CDKN2B-AS1: variants seen among roughly 807,000 people sequenced by gnomAD.
The protein encoded by CDKN2B-AS1 is CDKN2B antisense RNA 1 (non-protein coding).
intron 4 of CDKN2B-AS1, among the ~76,000 whole-genome samples, chr9:22,057,530 CA>C (rs1823622967): frequency 6.6e-6 from 1 of 152,138 alleles, no homozygotes; most frequent in African/African-American, 2.4e-5. Context: ...TAGTATTGGC[CA>C]GGTGTGGTGG....
intron 1 of CDKN2B-AS1, among the ~76,000 whole-genome samples, chr9:22,024,365 GCCTGCCTC>G (rs1192848175): frequency 6.6e-6 from 1 of 152,208 alleles, no homozygotes; most frequent in Non-Finnish European, 1.5e-5. Flanking sequence ...ATTCAGGGGT[GCCTGCCTC>G]CCTGCAGGCA....
chr9:22,015,559 A>G (rs1184106627), intron 1 of CDKN2B-AS1, among the ~76,000 whole-genome samples: 1 of 152,048 alleles, frequency 6.6e-6, no homozygotes, highest in African/African-American at 2.4e-5. Flanking sequence ...TTTGGGGAAG[A>G]CTGTCATCTA....
At chr9:22,023,329 C>G (rs1822088922) in intron 1 of CDKN2B-AS1, among the ~76,000 whole-genome samples, 1 of 151,874 alleles carries the variant, frequency 6.6e-6, no homozygotes, top group South Asian at 2.1e-4. Context: ...CATTTTTATT[C>G]TTTTTTCTCT....
At chr9:22,019,246 G>A (rs1347650436) in intron 1 of CDKN2B-AS1, among the ~76,000 whole-genome samples, 2 of 152,186 alleles carry the variant, frequency 1.3e-5, no homozygotes, top group Non-Finnish European at 2.9e-5. Flanking sequence ...AAAGACACAT[G>A]ATGTGATCAG....
chr9:22,022,188 G>A (rs1822045090), intron 1 of CDKN2B-AS1, among the ~76,000 whole-genome samples: 1 of 151,754 alleles, frequency 6.6e-6, no homozygotes, highest in Non-Finnish European at 1.5e-5. Context: ...ATCCAGTGTT[G>A]AGTTCAGGTC....
chr9:22,115,013 A>C (rs1296545312), intron 4 of CDKN2B-AS1, among the ~76,000 whole-genome samples: 2 of 152,116 alleles, frequency 1.3e-5, no homozygotes, highest in Admixed American at 1.3e-4. Context: ...TTTCCTTAGA[A>C]ATGTTATTGT....
chr9:22,018,637 C>T (rs920022094), intron 1 of CDKN2B-AS1, among the ~76,000 whole-genome samples: 5 of 152,232 alleles, frequency 3.3e-5, no homozygotes, highest in East Asian at 1.9e-4. Flanking sequence ...TGGGTGACAG[C>T]GCAAGACTTC....
At chr9:22,104,274 C>T (rs1471308362) in intron 4 of CDKN2B-AS1, among the ~76,000 whole-genome samples, 1 of 152,040 alleles carries the variant, frequency 6.6e-6, no homozygotes, top group African/African-American at 2.4e-5. Flanking sequence ...AGGTCAGGCA[C>T]CTAGATGGCA....
At chr9:22,008,880 C>T (rs1292208037) in intron 1 of CDKN2B-AS1, 2 of 1,612,314 alleles carry the variant, frequency 1.2e-6, no homozygotes, top group Non-Finnish European at 1.7e-6. Context: ...CTCCACTAGT[C>T]CCCGCGCCGC....
At chr9:22,043,325 T>C (rs1563942123) in intron 1 of CDKN2B-AS1, among the ~76,000 whole-genome samples, 1 of 152,074 alleles carries the variant, frequency 6.6e-6, no homozygotes, top group Non-Finnish European at 1.5e-5. Context: ...AAGAAACATA[T>C]GATGTTGAAT....
At chr9:22,070,650 AAACTACCATCAGGC>A (rs1378952378) in intron 4 of CDKN2B-AS1, among the ~76,000 whole-genome samples, 1 of 152,332 alleles carries the variant, frequency 6.6e-6, no homozygotes, top group East Asian at 1.9e-4. Context: ...TACATGAAGG[AAACTACCATCAGGC>A]AGAGCTGAAA....
intron 4 of CDKN2B-AS1, among the ~76,000 whole-genome samples, chr9:22,096,838 T>A (rs1825292259): frequency 6.6e-6 from 1 of 152,178 alleles, no homozygotes; most frequent in South Asian, 2.1e-4. Flanking sequence ...AGCTCACTCA[T>A]CAATCTATTA....
chr9:22,008,961 C>A (rs1281831012), intron 1 of CDKN2B-AS1: 2 of 1,612,838 alleles, frequency 1.2e-6, no homozygotes, highest in Non-Finnish European at 1.7e-6. Context: ...CATTCCGCAG[C>A]CCCCAGACGC....
rs1316010527 is a variant in CDKN2B-AS1, at chr9:22,039,848, T to C, written n.30-6903T>C. ...ACTCCTAGTGCTTCAGAATGTGACC[T>C]TATTTGGAAACAGGGTCATTGCAAA... On this transcript the variant is annotated intron_variant and non_coding_transcript_variant, in intron 1 of 4. Coordinates refer to ENST00000650946, the Ensembl canonical transcript of CDKN2B-AS1. This position sits in a 1 kb window ranked among gnomAD's most constrained non-coding sequence, Gnocchi z 4.4. 6.6e-6 allele frequency among the ~76,000 whole-genome samples: 1 copy of C among 152,018 alleles called. No individual in the cohort carries two copies. The highest frequency in any genetic ancestry group is 2.4e-5 in the African/African-American group (1 of 41,416).
chr9:22,115,945 T>G (rs1825938156), intron 4 of CDKN2B-AS1, among the ~76,000 whole-genome samples: 1 of 152,230 alleles, frequency 6.6e-6, no homozygotes, highest in Non-Finnish European at 1.5e-5. Flanking sequence ...TTTTTACTCC[T>G]GTTCGGATCC....
chr9:22,103,349 T>C (rs1201936045), intron 4 of CDKN2B-AS1, among the ~76,000 whole-genome samples: 3 of 152,110 alleles, frequency 2.0e-5, no homozygotes, highest in Non-Finnish European at 4.4e-5. Flanking sequence ...TATTGGGGCA[T>C]TGAGAAGTCC....
intron 1 of CDKN2B-AS1, chr9:22,008,872 C>T (rs1193287096): frequency 6.2e-7 from 1 of 1,612,106 alleles, no homozygotes; most frequent in African/African-American, 1.3e-5. Flanking sequence ...CGCACCTTCT[C>T]CACTAGTCCC....
At chr9:22,081,980 T>C (rs901226225) in intron 4 of CDKN2B-AS1, among the ~76,000 whole-genome samples, 6 of 152,332 alleles carry the variant, frequency 3.9e-5, no homozygotes, top group African/African-American at 7.2e-5. Context: ...TCAACCACCA[T>C]GCACCTTTCT....
intron 4 of CDKN2B-AS1, among the ~76,000 whole-genome samples, chr9:22,103,131 A>AT (rs1825542005): frequency 7.6e-6 from 1 of 132,412 alleles, no homozygotes; most frequent in African/African-American, 2.8e-5. Context: ...TCTAGAACAG[A>AT]TGTGTGTGTG....
Sources: gnomAD v4.1 joint callset for allele counts (sites outside exome capture counted in the v4.1 genomes callset) on GRCh38, gnomAD v4.1.1 for gene constraint, Gnocchi (gnomAD v3.1) non-coding constraint, MANE v1.5 for transcripts, NCBI Gene and HGNC (gene_info 2026-07-23, HGNC 2026-07-21) for gene names.